Variants in DENND1A observed in about 807,000 individuals in gnomAD.
The protein encoded by DENND1A is DENN domain-containing protein 1A.
DENND1A carries 51 observed loss-of-function variants against 113.7 expected under a neutral mutation model. The ratio of observed to expected loss-of-function variants is 0.45; its 90% CI spans 0.36 to 0.57. The LOEUF is 0.57. DENND1A is among the 20% of genes least tolerant of loss of function. The probability of loss-of-function intolerance (pLI) is 0.00; values close to 1 mark genes in which losing one functional copy is unlikely to be tolerated. For synonymous variants in DENND1A, 565 were observed against 570.8 expected, an observed-to-expected ratio of 0.99 and a Z score of 0.14; for missense variants, 1,258 against 1,395.9, an observed-to-expected ratio of 0.90 and a Z score of 1.57.
chr9:123,867,797 G>A (rs1200935351), intron 2 of DENND1A, among the ~76,000 whole-genome samples: 1 of 152,080 alleles, frequency 6.6e-6, no homozygotes, highest in Admixed American at 6.6e-5. Flanking sequence ...GTTCATGAAT[G>A]GGTACGTGAT....
chr9:123,568,713 C>A (rs142729177), intron 12 of DENND1A, among the ~76,000 whole-genome samples: 2 of 151,994 alleles, frequency 1.3e-5, no homozygotes, highest in Non-Finnish European at 2.9e-5. Flanking sequence ...GTGGCCAGGC[C>A]GGATTCATGG....
chr9:123,897,258 T>C (rs180902917), intron 1 of DENND1A, among the ~76,000 whole-genome samples: 1 of 152,312 alleles, frequency 6.6e-6, no homozygotes, highest in African/African-American at 2.4e-5. Context: ...AGTGGTGTGT[T>C]TGAGTTTGTT....
chr9:123,453,821 C>G (rs1266248964), intron 16 of DENND1A, among the ~76,000 whole-genome samples: 4 of 152,220 alleles, frequency 2.6e-5, no homozygotes, highest in Non-Finnish European at 4.4e-5. Context: ...TTTTCACCCA[C>G]TCATTTATTC....
At position 123,903,139 on chromosome 9, in the gene DENND1A, C is replaced by T. The variant is rs187134580; in HGVS notation, c.18-24118G>A. Among the ~76,000 whole-genome samples, 76 of 150,994 alleles carry T rather than the reference C, an allele frequency of 5.0e-4. 1 individual carries two copies. In the East Asian group the frequency reaches 0.012, roughly 24 times the overall value. On this transcript the variant is annotated intron_variant, in intron 1 of 23. Coordinates refer to ENST00000394215, the MANE Select transcript of DENND1A (RefSeq NM_001352964.2). ...CGAGGTCAGGAGATCGAGACCATCCCGGCTAAAACGGTGAAACCCCATCTC... is the reference window on the plus strand; with the variant it reads ...CGAGGTCAGGAGATCGAGACCATCCTGGCTAAAACGGTGAAACCCCATCTC...
intron 13 of DENND1A, among the ~76,000 whole-genome samples, chr9:123,487,071 C>A (rs936376141): frequency 6.6e-6 from 1 of 152,122 alleles, no homozygotes; most frequent in Non-Finnish European, 1.5e-5. Context: ...ACCATAGAGG[C>A]CCCCATATTT....
intron 5 of DENND1A, among the ~76,000 whole-genome samples, chr9:123,735,105 C>A (rs973215577): frequency 2.0e-5 from 3 of 152,052 alleles, no homozygotes; most frequent in African/African-American, 7.3e-5. Flanking sequence ...TTTCTCCCCC[C>A]AAGAAAATCA....
intron 2 of DENND1A, among the ~76,000 whole-genome samples, chr9:123,795,637 A>T (rs1833653879): frequency 6.6e-6 from 1 of 152,344 alleles, no homozygotes; most frequent in Admixed American, 6.5e-5. Context: ...GTCTGGGAAC[A>T]TTTTATGAAA....
intron 13 of DENND1A, among the ~76,000 whole-genome samples, chr9:123,542,078 G>A (rs2056332068): frequency 1.3e-5 from 2 of 152,350 alleles, no homozygotes; most frequent in South Asian, 2.1e-4. Context: ...CTGTTAGATA[G>A]TAATTGGTAG....
At chr9:123,869,898 G>A (rs1052825493) in intron 2 of DENND1A, among the ~76,000 whole-genome samples, 2 of 151,766 alleles carry the variant, frequency 1.3e-5, no homozygotes, top group Non-Finnish European at 2.9e-5. Flanking sequence ...AGGCTGAGGT[G>A]GGAGGATCAC....
intron 13 of DENND1A, among the ~76,000 whole-genome samples, chr9:123,511,866 T>A (rs2053488742): frequency 1.3e-5 from 2 of 152,164 alleles, no homozygotes; most frequent in Admixed American, 1.3e-4. Context: ...TTGTCTGTGG[T>A]CCAGTGTCCC....
chr9:123,470,219 T>G lies in DENND1A; in HGVS notation c.994-12322A>C, dbSNP rs1200437090. 3.3e-5 allele frequency among the ~76,000 whole-genome samples: 5 copies of G among 152,160 alleles called. No individual in the cohort carries two copies. The South Asian group carries it at 6.2e-4, about 19-fold the overall frequency. ...ATAGGGTGAGTCCACAGTGCAGCGGTGGCGCAAGGTGAGAGCTGACATGAG... is the reference window on the plus strand; with the variant it reads ...ATAGGGTGAGTCCACAGTGCAGCGGGGGCGCAAGGTGAGAGCTGACATGAG... On this transcript the variant is annotated intron_variant, in intron 13 of 23. Coordinates refer to ENST00000394215, the MANE Select transcript of DENND1A (RefSeq NM_001352964.2).
intron 1 of DENND1A, among the ~76,000 whole-genome samples, chr9:123,881,087 A>G (rs1249249101): frequency 6.6e-6 from 1 of 152,136 alleles, no homozygotes; most frequent in African/African-American, 2.4e-5. Flanking sequence ...TGTAGCAAAG[A>G]CCTGGCTGCT....
At chr9:123,783,487 A>G (rs563088292) in intron 3 of DENND1A, among the ~76,000 whole-genome samples, 69 of 152,346 alleles carry the variant, frequency 4.5e-4, no homozygotes, top group Non-Finnish European at 7.5e-4. Flanking sequence ...GCCCAGTAAT[A>G]GGAGACACGA....
At chr9:123,813,093 G>C (rs1266029509) in intron 2 of DENND1A, among the ~76,000 whole-genome samples, 6 of 152,042 alleles carry the variant, frequency 3.9e-5, no homozygotes. Context: ...GGGACCACAG[G>C]CGCACACCAC....
intron 5 of DENND1A, among the ~76,000 whole-genome samples, chr9:123,730,760 A>T (rs2068101384): frequency 1.3e-5 from 2 of 152,230 alleles, no homozygotes; most frequent in Non-Finnish European, 1.5e-5. Flanking sequence ...TACTGGTTAT[A>T]TACCCAAAGG....
rs754250516 is a variant in DENND1A, at chr9:123,380,499, G to C, written c.*933C>G. On this transcript the variant is annotated 3_prime_UTR_variant, in exon 24 of 24. Coordinates refer to ENST00000394215, the MANE Select transcript of DENND1A (RefSeq NM_001352964.2). Reference sequence around the variant, plus strand: ...CCACTGCCTCGTTCCAACCCAGGAAGGCCAGCTGCCTTCCACATCAGTCTG... The same window carrying C: ...CCACTGCCTCGTTCCAACCCAGGAACGCCAGCTGCCTTCCACATCAGTCTG... 1.3e-5 allele frequency: 2 copies of C among 152,482 alleles called. No homozygotes were observed. Among genetic ancestry groups the C allele is most frequent in the Non-Finnish European group, 2.9e-5 (2 of 68,046 alleles). 9.4% of individuals were successfully genotyped at this position (152,482 alleles called of 1,614,324 possible).
At chr9:123,704,545 T>C (rs996578615) in intron 5 of DENND1A, among the ~76,000 whole-genome samples, 2 of 152,188 alleles carry the variant, frequency 1.3e-5, no homozygotes, top group African/African-American at 4.8e-5. Context: ...AAATTATTAG[T>C]ATTCCTAGGT....
chr9:123,645,262 CTT>C, intron 9 of DENND1A, among the ~76,000 whole-genome samples: 1 of 152,146 alleles, frequency 6.6e-6, no homozygotes, highest in Non-Finnish European at 1.5e-5. Context: ...CAGCTTTTAT[CTT>C]TCATGTGCTT....
chr9:123,887,561 G>A (rs1468565317), intron 1 of DENND1A, among the ~76,000 whole-genome samples: 2 of 151,886 alleles, frequency 1.3e-5, no homozygotes, highest in East Asian at 1.9e-4. Context: ...AGAGGGTGAG[G>A]AGCATGTCTA....
Sources: allele counts gnomAD v4.1 joint callset (sites outside exome capture counted in the v4.1 genomes callset), GRCh38; gene constraint gnomAD v4.1.1; transcripts MANE v1.5; gene names NCBI Gene and HGNC (gene_info 2026-07-23, HGNC 2026-07-21).